IQSEC1: variants seen among roughly 807,000 people sequenced by gnomAD.
The protein encoded by IQSEC1 is IQ motif and SEC7 domain-containing protein 1.
A neutral mutation model predicts 91.0 loss-of-function variants in IQSEC1; 31 were observed. The observed-to-expected ratio is 0.34, with a 90% CI of 0.26 to 0.46. The LOEUF (loss-of-function observed/expected upper bound fraction) is 0.46, where lower values mean the gene tolerates loss of function less well. Among genes scored for constraint, IQSEC1 ranks in the 20% least tolerant of loss-of-function variants. IQSEC1 has a pLI of 1.00. For synonymous variants in IQSEC1, 699 were observed against 662.6 expected, an observed-to-expected ratio of 1.05 and a Z score of -0.84; for missense variants, 1,388 against 1,575.6, an observed-to-expected ratio of 0.88 and a Z score of 2.02.
chr3:12,903,820 G>A (rs1475524403), intron 12 of IQSEC1, among the ~76,000 whole-genome samples: 1 of 152,212 alleles, frequency 6.6e-6, no homozygotes, highest in Non-Finnish European at 1.5e-5. Flanking sequence ...CATCTGGGCA[G>A]CATCACCATG....
chr3:12,933,453 T>G (rs1305799176), intron 3 of IQSEC1, among the ~76,000 whole-genome samples: 2 of 152,208 alleles, frequency 1.3e-5, no homozygotes, highest in African/African-American at 4.8e-5. Context: ...TCCCGCGCCC[T>G]GAGTGATGTC....
At chr3:13,120,267 G>A (rs751532067) in intron 2 of IQSEC1, among the ~76,000 whole-genome samples, 4 of 152,196 alleles carry the variant, frequency 2.6e-5, no homozygotes, top group Non-Finnish European at 5.9e-5. Flanking sequence ...GCACCACTCA[G>A]TAAGGTGGTG....
At chr3:12,986,732 C>T (rs1468205986) in intron 1 of IQSEC1, among the ~76,000 whole-genome samples, 3 of 152,196 alleles carry the variant, frequency 2.0e-5, no homozygotes, top group South Asian at 2.1e-4. Context: ...ATACTAGGCA[C>T]TGAAGAGGAC....
At chr3:13,198,839 G>A (rs1437777367) in intron 1 of IQSEC1, among the ~76,000 whole-genome samples, 2 of 152,206 alleles carry the variant, frequency 1.3e-5, no homozygotes, top group Non-Finnish European at 2.9e-5. Flanking sequence ...GGAGTGAGGA[G>A]TTATTATTCT....
intron 1 of IQSEC1, among the ~76,000 whole-genome samples, chr3:13,219,983 C>G (rs955090720): frequency 6.6e-6 from 1 of 152,264 alleles, no homozygotes; most frequent in Non-Finnish European, 1.5e-5. Context: ...AAACCTGAAA[C>G]GTGGCAAAAG....
chr3:13,276,229 C>T (rs1214511692), intron 1 of IQSEC1, among the ~76,000 whole-genome samples: 1 of 151,762 alleles, frequency 6.6e-6, no homozygotes, highest in Admixed American at 6.6e-5. Context: ...GCTGGGACTA[C>T]AGGCGCCTGC....
chr3:12,974,890 A>C (rs548200903), intron 1 of IQSEC1, among the ~76,000 whole-genome samples: 53 of 152,350 alleles, frequency 3.5e-4, no homozygotes, highest in African/African-American at 1.2e-3. Flanking sequence ...ACAGGGCTCC[A>C]GGCCCTTGCA....
intron 1 of IQSEC1, among the ~76,000 whole-genome samples, chr3:13,020,468 A>G (rs1703348852): frequency 6.6e-6 from 1 of 152,218 alleles, no homozygotes. Flanking sequence ...AGAGACAACT[A>G]TGGCCACTGT....
At chr3:13,156,892 G>C (rs1707094478) in intron 2 of IQSEC1, among the ~76,000 whole-genome samples, 1 of 152,242 alleles carries the variant, frequency 6.6e-6, no homozygotes, top group Non-Finnish European at 1.5e-5. Context: ...GAGCTTGGAA[G>C]AATGGAGGTA....
intron 2 of IQSEC1, among the ~76,000 whole-genome samples, chr3:12,939,797 C>T (rs938405828): frequency 5.9e-5 from 9 of 152,188 alleles, no homozygotes; most frequent in African/African-American, 1.9e-4. Context: ...TATTGCCTCC[C>T]GTAGCTGCCC....
chr3:12,989,675 G>A (rs1293072247), intron 1 of IQSEC1, among the ~76,000 whole-genome samples: 1 of 152,138 alleles, frequency 6.6e-6, no homozygotes, highest in Non-Finnish European at 1.5e-5. Context: ...CCACACACCT[G>A]AGCTTACCAC....
At chr3:13,006,455 G>T (rs1702639179) in intron 1 of IQSEC1, among the ~76,000 whole-genome samples, 1 of 152,208 alleles carries the variant, frequency 6.6e-6, no homozygotes. Context: ...TGTGGTGGGG[G>T]CACATGGAGG....
intron 2 of IQSEC1, among the ~76,000 whole-genome samples, chr3:13,115,387 C>A (rs181143473): frequency 6.6e-6 from 1 of 152,290 alleles, no homozygotes; most frequent in Non-Finnish European, 1.5e-5. Context: ...TTGCTGTGTC[C>A]CTCTGGGGTC....
rs1189900380 is a variant in IQSEC1 at position 13,008,829 on chromosome 3, C to A, written c.23+64163G>T. On this transcript the variant is annotated intron_variant, in intron 1 of 13. Coordinates refer to ENST00000613206, the MANE Select transcript of IQSEC1 (RefSeq NM_001134382.3). This position sits in a 1 kb window ranked among gnomAD's most constrained non-coding sequence, Gnocchi z 4.1. ...CAGAGGAGGGGATATCCAGCTAACC[C>A]AGTGGGAACCAGACACGCTGGCAAA... Among the ~76,000 whole-genome samples, 1 of 152,198 alleles carries A rather than the reference C, an allele frequency of 6.6e-6. No individual in the cohort carries two copies. Among genetic ancestry groups the A allele is most frequent in the African/African-American group, 2.4e-5 (1 of 41,440 alleles).
At position 13,193,047 on chromosome 3, in the gene IQSEC1, A is replaced by G. The variant is rs763673128; in HGVS notation, c.273-28914T>C. Among the ~76,000 whole-genome samples, 10 of 152,240 alleles carry G rather than the reference A, an allele frequency of 6.6e-5. No homozygotes were observed. Among genetic ancestry groups the G allele is most frequent in the Non-Finnish European group, 1.3e-4 (9 of 68,046 alleles). On this transcript the variant is annotated intron_variant, in intron 1 of 15. Transcript: ENST00000648114. This position sits in a 1 kb window ranked among gnomAD's most constrained non-coding sequence, Gnocchi z 4.2. ...GGTCCAGTCCTGGCCATGTAGCTGC[A>G]TGCAGTGCATCCTCCAGCCCCTAGT...
intron 1 of IQSEC1, among the ~76,000 whole-genome samples, chr3:13,246,184 G>C (rs1308508724): frequency 6.6e-6 from 1 of 152,206 alleles, no homozygotes. Context: ...CCCTACAAAG[G>C]AAGAAGGTTC....
Position 12,967,783 on chromosome 3 carries a change from A to G in IQSEC1, c.24-25918T>C. ...GAGGGCGAGCTGGGGGCGGGGCCGG[A>G]GGGCGAGCTGGGGGCGGGGCTGCGC... On this transcript the variant is annotated intron_variant, in intron 1 of 13. Coordinates refer to ENST00000613206, the MANE Select transcript of IQSEC1 (RefSeq NM_001134382.3). The surrounding 1 kb of genome is among the most constrained non-coding windows in gnomAD (Gnocchi z 5.9). The G allele has an allele frequency of 1.4e-6, 1 of 737,048 alleles. No individual in the cohort carries two copies. Among genetic ancestry groups the G allele is most frequent in the Non-Finnish European group, 1.7e-6 (1 of 601,148 alleles). 45.7% of individuals were successfully genotyped at this position (737,048 alleles called of 1,614,324 possible).
chr3:13,026,275 GT>G (rs1703609079), intron 1 of IQSEC1, among the ~76,000 whole-genome samples: 1 of 152,144 alleles, frequency 6.6e-6, no homozygotes, highest in African/African-American at 2.4e-5. Context: ...GCTGGTTAGG[GT>G]TCCCCCCTTC....
intron 1 of IQSEC1, among the ~76,000 whole-genome samples, chr3:13,173,556 G>A (rs1693660271): frequency 6.6e-6 from 1 of 152,224 alleles, no homozygotes. Flanking sequence ...AGACTGTAGA[G>A]GCCCTTGGAC....
Sources: allele counts gnomAD v4.1 joint callset (sites outside exome capture counted in the v4.1 genomes callset), GRCh38; gene constraint gnomAD v4.1.1; non-coding constraint Gnocchi (gnomAD v3.1); transcripts MANE v1.5; gene names NCBI Gene and HGNC (gene_info 2026-07-23, HGNC 2026-07-21).